Variants in PSG2 observed in about 807,000 individuals in gnomAD.
PSG2 encodes pregnancy-specific beta-1-glycoprotein 2.
A neutral mutation model predicts 36.2 loss-of-function variants in PSG2; 49 were observed. The observed-to-expected ratio is 1.35, with a 90% CI of 1.08 to 1.72. The LOEUF is 1.72. Among genes scored for constraint, PSG2 ranks in the 40% most tolerant of loss-of-function variants. The pLI is 0.00. For synonymous variants in PSG2, 261 were observed against 155.6 expected, an observed-to-expected ratio of 1.68 and a Z score of -5.04; for missense variants, 605 against 407.2, an observed-to-expected ratio of 1.49 and a Z score of -4.18.
chr19:43,082,293 A>G, intron 1 of PSG2: 1 of 695,514 alleles, frequency 1.4e-6, no homozygotes, highest in Non-Finnish European at 2.3e-6. Flanking sequence ...GGAACACACG[A>G]CAATACCTGG....
chr19:43,074,967 C>A lies in PSG2; in HGVS notation c.709+387G>T, dbSNP rs370160078. Among the ~76,000 whole-genome samples, 25 of 151,624 alleles carry A rather than the reference C, an allele frequency of 1.6e-4. 1 individual carries two copies. In the East Asian group the frequency reaches 2.3e-3, roughly 14 times the overall value. ...CATCCAGGCCATCTGGAGCAAAGAG[C>A]ATAAAGTCACAGGCACTATTGTCAG... On this transcript the variant is annotated intron_variant, in intron 3 of 5. Transcript: ENST00000406487.
chr19:43,081,350 G>GAC (rs56971156), intron 1 of PSG2, 104 bp from the exon 2 acceptor site: 30,749 of 851,156 alleles, frequency 0.036, 358 homozygotes, highest in African/African-American at 0.06. Context: ...CAGCCTTGAA[G>GAC]ACACACACAC....
chr19:43,074,973 G>T lies in PSG2; in HGVS notation c.709+381C>A, dbSNP rs28735463. 5.0e-3 allele frequency among the ~76,000 whole-genome samples: 757 copies of T among 151,780 alleles called. 29 individuals are homozygous for T. The highest frequency in any genetic ancestry group is 0.018 in the African/African-American group (733 of 41,170). ...GGCCATCTGGAGCAAAGAGCATAAA[G>T]TCACAGGCACTATTGTCAGAGGGAA... On this transcript the variant is annotated intron_variant, in intron 3 of 5. Coordinates refer to ENST00000406487, the MANE Select transcript of PSG2 (RefSeq NM_031246.4).
At chr19:43,070,724 G>C (rs986534677) in intron 4 of PSG2, among the ~76,000 whole-genome samples, 8 of 151,652 alleles carry the variant, frequency 5.3e-5, no homozygotes, top group Admixed American at 2.6e-4. Context: ...TGTTTATTGG[G>C]TACAGAGGTT....
Position 43,075,290 on chromosome 19 carries a change from C to T in PSG2, c.709+64G>A. The T allele has an allele frequency of 3.7e-6, 6 of 1,612,660 alleles. No homozygotes were observed. The East Asian group carries it at 6.7e-5, about 18-fold the overall frequency. On this transcript the variant is annotated intron_variant, in intron 3 of 5. Coordinates refer to ENST00000406487, the MANE Select transcript of PSG2 (RefSeq NM_031246.4). ...TTGGACCTGAGAGGGACTGAGAGGC[C>T]TGGCCTCTGGCCATGTGTATTTGGG...
intron 2 of PSG2, among the ~76,000 whole-genome samples, chr19:43,077,684 T>C (rs908204478): frequency 2.0e-5 from 3 of 151,788 alleles, no homozygotes; most frequent in African/African-American, 4.9e-5. Flanking sequence ...ACCACCAGTA[T>C]TCCTATTACG....
chr19:43,079,985 T>G (rs1341374603), intron 2 of PSG2, among the ~76,000 whole-genome samples: 1 of 151,758 alleles, frequency 6.6e-6, no homozygotes, highest in Admixed American at 6.6e-5. Context: ...ATAAGCTAAA[T>G]GGCAAATGGA....
rs1018621329 is a variant in PSG2, at chr19:43,064,348, G to T, written c.*294C>A. The stretch of plus-strand genomic sequence containing the variant: ...AAAGTATACTTTACCAATTGCTCAA[G>T]AAAAAATGTTCATAAATCTGGAGAA... On this transcript the variant is annotated 3_prime_UTR_variant, in exon 6 of 6. Coordinates refer to ENST00000406487, the MANE Select transcript of PSG2 (RefSeq NM_031246.4). 1 of 286,698 alleles carries T rather than the reference G, an allele frequency of 3.5e-6. No individual in the cohort carries two copies. Among genetic ancestry groups the T allele is most frequent in the Non-Finnish European group, 6.9e-6 (1 of 145,456 alleles). The allele number at this position is 286,698 out of a possible 1,614,324, so 17.8% of individuals were successfully genotyped here.
In PSG2 at chr19:43,071,606, A is replaced by G. The variant is rs532641044; in HGVS notation, c.964+94T>C. 126 of 1,610,966 alleles carry G rather than the reference A, an allele frequency of 7.8e-5. 2 individuals are homozygous for G. Among genetic ancestry groups the G allele is most frequent in the South Asian group, 4.1e-4 (37 of 90,980 alleles). ...GGATTTGCTTTTGCCCATGGGACAC[A>G]GGCTGGGAATAAAAATGTTTTCCTG... On this transcript the variant is annotated intron_variant, in intron 4 of 5. Coordinates refer to ENST00000406487, the MANE Select transcript of PSG2 (RefSeq NM_031246.4).
At chr19:43,068,266 G>C (rs984510219) in intron 4 of PSG2, among the ~76,000 whole-genome samples, 11 of 151,120 alleles carry the variant, frequency 7.3e-5, no homozygotes, top group East Asian at 3.9e-4. Context: ...GAGACGCTGT[G>C]TGTACAAAAA....
At chr19:43,078,041 G>GTCC (rs1967922125) in intron 2 of PSG2, among the ~76,000 whole-genome samples, 2 of 151,664 alleles carry the variant, frequency 1.3e-5, no homozygotes, top group Non-Finnish European at 2.9e-5. Context: ...GGGCTTGGGG[G>GTCC]ACTGCAGGCC....
At chr19:43,073,823 C>T (rs180718287) in intron 3 of PSG2, among the ~76,000 whole-genome samples, 2,015 of 151,724 alleles carry the variant, frequency 0.013, 65 homozygotes, top group South Asian at 0.09. Flanking sequence ...AAAAGTGTTT[C>T]GGATTTCTGA....
At chr19:43,073,197 A>C (rs1436701157) in intron 3 of PSG2, among the ~76,000 whole-genome samples, 1 of 151,864 alleles carries the variant, frequency 6.6e-6, no homozygotes, top group Non-Finnish European at 1.5e-5. Flanking sequence ...TTCAGTCATC[A>C]GGCAGTGGAG....
chr19:43,078,983 G>A (rs1967934315), intron 2 of PSG2, among the ~76,000 whole-genome samples: 1 of 151,568 alleles, frequency 6.6e-6, no homozygotes, highest in Admixed American at 6.6e-5. Flanking sequence ...AAGCCTGGCA[G>A]GAGTGGCAAC....
intron 2 of PSG2, among the ~76,000 whole-genome samples, chr19:43,076,929 C>T (rs975451069): frequency 6.8e-6 from 1 of 146,158 alleles, no homozygotes; most frequent in African/African-American, 2.8e-5. Context: ...TTTTTAGCAT[C>T]ACATCAGTGG....
chr19:43,072,384 T>A, intron 3 of PSG2: 1 of 1,612,704 alleles, frequency 6.2e-7, no homozygotes, highest in Non-Finnish European at 8.5e-7. Context: ...TCACTGTGGA[T>A]GCCACCATAT....
rs1362134565 is a variant in PSG2, at chr19:43,072,256, T to G, written c.710-302A>C. ...CCAGCTTGGATGTCCAGAAGTAAAG[T>G]TGTCTATACTTGGACCGGAGAGAGA... On this transcript the variant is annotated intron_variant, in intron 3 of 5. Coordinates refer to ENST00000406487, the MANE Select transcript of PSG2 (RefSeq NM_031246.4). 26 of 1,547,670 alleles carry G rather than the reference T, an allele frequency of 1.7e-5. 1 individual carries two copies. Among genetic ancestry groups the G allele is most frequent in the South Asian group, 9.8e-5 (8 of 81,600 alleles).
At position 43,064,287 on chromosome 19, in the gene PSG2, A is replaced by G. The variant is rs1412844700; in HGVS notation, c.*355T>C. The G allele has an allele frequency of 4.6e-6, 1 of 217,532 alleles. No homozygotes were observed. Among genetic ancestry groups the G allele is most frequent in the East Asian group, 1.1e-4 (1 of 9,040 alleles). 13.5% of individuals were successfully genotyped at this position (217,532 alleles called of 1,614,324 possible). ...ATTCCCAATTCTGGGGCACTCAGAT[A>G]GAGAGCAAAAGGAAATGTTTCAATT... On this transcript the variant is annotated 3_prime_UTR_variant, in exon 6 of 6. Transcript: ENST00000406487.
At chr19:43,071,649 A>T in intron 4 of PSG2, 51 bp downstream of exon 4, 1 of 1,612,642 alleles carries the variant, frequency 6.2e-7, no homozygotes, top group Non-Finnish European at 8.5e-7. Flanking sequence ...TCTGAAAGCC[A>T]GATAGACTCC....
Sources: gnomAD v4.1 joint callset for allele counts (sites outside exome capture counted in the v4.1 genomes callset) on GRCh38, gnomAD v4.1.1 for gene constraint, MANE v1.5 for transcripts, NCBI Gene and HGNC (gene_info 2026-07-23, HGNC 2026-07-21) for gene names.